The following SYNE1 variants were observed in gnomAD, a reference collection of about 807,000 sequenced individuals.
SYNE1 encodes the protein nesprin-1.
In SYNE1, 616 loss-of-function variants were observed where a neutral mutation model predicts 1,111.0. That is an observed-to-expected ratio of 0.55 (90% CI 0.52 to 0.59). The LOEUF (loss-of-function observed/expected upper bound fraction) is 0.59. Among genes scored for constraint, SYNE1 ranks in the 20% least tolerant of loss-of-function variants. The probability of loss-of-function intolerance (pLI) is 0.00; values close to 1 mark genes in which losing one functional copy is unlikely to be tolerated. For synonymous variants in SYNE1, 3,855 were observed against 3,825.8 expected (o/e 1.01, Z -0.28); for missense variants, 10,006 against 10,417.0 (o/e 0.96, Z 1.72).
intron 131 of SYNE1, among the ~76,000 whole-genome samples, chr6:152,163,499 A>AG (rs1421888883): frequency 1.5e-4 from 14 of 93,634 alleles, no homozygotes; most frequent in Middle Eastern, 4.8e-3. Context: ...ACTCTGTCTC[A>AG]GGAAAAAAAA....
intron 63 of SYNE1, among the ~76,000 whole-genome samples, chr6:152,363,350 C>T (rs995871456): frequency 8.8e-5 from 13 of 148,236 alleles, no homozygotes; most frequent in South Asian, 2.1e-4. Flanking sequence ...AAAAATTAGC[C>T]GGGCATGGTG....
At chr6:152,130,682 G>T (rs1178362632) in intron 145 of SYNE1, 38 bp downstream of exon 145, 1 of 1,609,492 alleles carries the variant, frequency 6.2e-7, no homozygotes. Flanking sequence ...ATCCTCTTGG[G>T]GTTCTAGAAC....
intron 98 of SYNE1, among the ~76,000 whole-genome samples, chr6:152,270,676 T>A (rs554871441): frequency 5.3e-5 from 8 of 152,312 alleles, no homozygotes; most frequent in Admixed American, 1.3e-4. Context: ...TAGACACTGT[T>A]CTAGAAGCTG....
intron 6 of SYNE1, chr6:152,511,587 A>G (rs1195216476): frequency 6.2e-7 from 1 of 1,612,666 alleles, no homozygotes; most frequent in East Asian, 2.2e-5. Context: ...TCCTCTGTGC[A>G]TGGACTGACA....
At chr6:152,250,177 T>A (rs747266864) in intron 104 of SYNE1, among the ~76,000 whole-genome samples, 3 of 151,706 alleles carry the variant, frequency 2.0e-5, no homozygotes, top group Non-Finnish European at 4.4e-5. Flanking sequence ...AGTGGAAGGA[T>A]CCCTTGAGTT....
chr6:152,516,297 G>T (rs2099111509), intron 6 of SYNE1, among the ~76,000 whole-genome samples: 1 of 152,256 alleles, frequency 6.6e-6, no homozygotes, highest in African/African-American at 2.4e-5. Flanking sequence ...CTTTCATTTT[G>T]TTCTGATTCT....
chr6:152,244,748 C>T, intron 105 of SYNE1, 92 bp from the exon 106 acceptor site: 1 of 1,531,294 alleles, frequency 6.5e-7, no homozygotes, highest in East Asian at 2.3e-5. Flanking sequence ...TGTTCCTCCT[C>T]TCCATGTAAA....
intron 46 of SYNE1, among the ~76,000 whole-genome samples, 179 bp from the exon 47 acceptor site, chr6:152,401,520 C>T (rs1187644578): frequency 6.6e-6 from 1 of 152,180 alleles, no homozygotes; most frequent in Non-Finnish European, 1.5e-5. Context: ...TTGCCAAACA[C>T]ATGAAGTGAT....
At position 152,462,898 on chromosome 6, in the gene SYNE1, G is replaced by A. The variant is rs1347831255; in HGVS notation, c.2098-8C>T. Reference sequence around the variant, plus strand: ...CTCATCAGCTTGAGCATACTGTTAAGGAAAGGGAGGAGGGAACATCGTGAA... The same window carrying A: ...CTCATCAGCTTGAGCATACTGTTAAAGAAAGGGAGGAGGGAACATCGTGAA... On this transcript the variant is annotated splice_region_variant and splice_polypyrimidine_tract_variant and intron_variant, in intron 19 of 145. Transcript: ENST00000367255. The A allele has an allele frequency of 6.2e-7, 1 of 1,613,694 alleles. No individual in the cohort carries two copies. The highest frequency in any genetic ancestry group is 8.5e-7 in the Non-Finnish European group (1 of 1,179,850).
At chr6:152,444,056 T>A (rs913815553) in intron 30 of SYNE1, among the ~76,000 whole-genome samples, 1 of 152,312 alleles carries the variant, frequency 6.6e-6, no homozygotes, top group East Asian at 1.9e-4. Context: ...TGATCTCAAA[T>A]AGGAAGCAAT....
intron 127 of SYNE1, among the ~76,000 whole-genome samples, chr6:152,190,998 A>G (rs2072124811): frequency 2.0e-5 from 3 of 152,322 alleles, no homozygotes; most frequent in Admixed American, 2.0e-4. Flanking sequence ...GTTGAATTTT[A>G]TCAAATGCTT....
At position 152,416,819 on chromosome 6, in the gene SYNE1, A is replaced by G. The variant is rs1592254519; in HGVS notation, c.5618T>C (p.Phe1873Ser). Residue 1873 changes from phenylalanine to serine, a missense_variant, in exon 41 of 146, where the codon TTC becomes TCC. This residue lies in a region of SYNE1 where 4,955 missense variants were observed against 5,017.2 expected (regional missense o/e 0.99). Coordinates refer to ENST00000367255, the MANE Select transcript of SYNE1 (RefSeq NM_182961.4). ...GGACAGAGAGGCATGGCTCTGGAGG[A>G]ATTCTGCCAAATGGGACAGGGCAAG... Reference protein sequence around the residue: ...RQLALSHLAEFLQSHASLSGI... With the variant: ...RQLALSHLAESLQSHASLSGI... The G allele has an allele frequency of 6.2e-7, 1 of 1,614,098 alleles. No homozygotes were observed. The highest frequency in any genetic ancestry group is 8.5e-7 in the Non-Finnish European group (1 of 1,180,032).
chr6:152,237,678 G>C (rs2084532695), intron 108 of SYNE1, among the ~76,000 whole-genome samples: 1 of 152,186 alleles, frequency 6.6e-6, no homozygotes, highest in Non-Finnish European at 1.5e-5. Flanking sequence ...GGGGATGTTT[G>C]CCTTTCATGT....
At chr6:152,506,615 C>T (rs2099059519) in intron 8 of SYNE1, among the ~76,000 whole-genome samples, 1 of 151,946 alleles carries the variant, frequency 6.6e-6, no homozygotes, top group Non-Finnish European at 1.5e-5. Context: ...AGTCTCGGCT[C>T]ACTGCAACCT....
intron 16 of SYNE1, among the ~76,000 whole-genome samples, chr6:152,469,338 T>C (rs1026149064): frequency 6.6e-6 from 1 of 152,094 alleles, no homozygotes; most frequent in Non-Finnish European, 1.5e-5. Flanking sequence ...ATTATCATCA[T>C]CATTATCATT....
intron 53 of SYNE1, among the ~76,000 whole-genome samples, chr6:152,388,763 T>C (rs1174071659): frequency 6.6e-6 from 1 of 152,272 alleles, no homozygotes; most frequent in East Asian, 1.9e-4. Flanking sequence ...TATCACTCAA[T>C]ATGTCACTGT....
At chr6:152,540,325 T>A (rs1357384337) in intron 3 of SYNE1, among the ~76,000 whole-genome samples, 1 of 152,122 alleles carries the variant, frequency 6.6e-6, no homozygotes, top group Non-Finnish European at 1.5e-5. Flanking sequence ...AAAATGAAAA[T>A]TCACCAAGAC....
chr6:152,194,640 G>C (rs2073609159), intron 127 of SYNE1, among the ~76,000 whole-genome samples: 1 of 152,104 alleles, frequency 6.6e-6, no homozygotes, highest in East Asian at 1.9e-4. Context: ...ATAAGTCTTA[G>C]ATTTGCCCTC....
intron 98 of SYNE1, among the ~76,000 whole-genome samples, chr6:152,276,408 T>C (rs752947734): frequency 6.6e-5 from 10 of 152,198 alleles, no homozygotes; most frequent in East Asian, 1.9e-4. Flanking sequence ...ATATTTTTAA[T>C]AAGCCAGTCA....
Sources: allele counts gnomAD v4.1 joint callset (sites outside exome capture counted in the v4.1 genomes callset), GRCh38; gene constraint gnomAD v4.1.1; regional missense constraint gnomAD v4.1.1; transcripts MANE v1.5; gene names NCBI Gene and HGNC (gene_info 2026-07-23, HGNC 2026-07-21).